The following ITGBL1 variants were observed in gnomAD, a reference collection of about 807,000 sequenced individuals.
ITGBL1 encodes integrin beta-like protein 1.
In ITGBL1, 51 loss-of-function variants were observed where a neutral mutation model predicts 68.5. The ratio of observed to expected loss-of-function variants is 0.74; its 90% confidence interval spans 0.59 to 0.94. ITGBL1 has a LOEUF of 0.94. Ranked by LOEUF, ITGBL1 falls within the 40% of genes least tolerant of loss-of-function variation. The probability of loss-of-function intolerance (pLI) is 0.00; values close to 1 mark genes in which losing one functional copy is unlikely to be tolerated. For missense variants in ITGBL1, 649 were observed against 647.4 expected, an observed-to-expected ratio of 1.00 and a Z score of -0.03; for synonymous variants, 209 against 227.3, an observed-to-expected ratio of 0.92 and a Z score of 0.72.
chr13:101,611,004 G>C (rs1313399431), intron 7 of ITGBL1, among the ~76,000 whole-genome samples: 1 of 152,124 alleles, frequency 6.6e-6, no homozygotes, highest in Non-Finnish European at 1.5e-5. Context: ...TCTGAGTTAT[G>C]ATGGGAATAA....
At chr13:101,510,577 G>A (rs540666072) in intron 2 of ITGBL1, among the ~76,000 whole-genome samples, 189 of 152,120 alleles carry the variant, frequency 1.2e-3, no homozygotes, top group Non-Finnish European at 2.0e-3. Flanking sequence ...TCTCCAAACT[G>A]ATTTCTAAAG....
intron 6 of ITGBL1, among the ~76,000 whole-genome samples, chr13:101,591,465 T>C (rs778141101): frequency 1.3e-5 from 2 of 152,240 alleles, no homozygotes; most frequent in Non-Finnish European, 2.9e-5. Flanking sequence ...CTGAATTGAA[T>C]TGAATTTGGG....
chr13:101,652,651 C>G (rs1318465775), intron 7 of ITGBL1, among the ~76,000 whole-genome samples: 1 of 152,170 alleles, frequency 6.6e-6, no homozygotes, highest in Admixed American at 6.5e-5. Context: ...TACTCCCTTA[C>G]AAGAGCTTTG....
At chr13:101,571,772 C>G (rs1258963707) in intron 3 of ITGBL1, among the ~76,000 whole-genome samples, 3 of 152,112 alleles carry the variant, frequency 2.0e-5, no homozygotes, top group Non-Finnish European at 4.4e-5. Flanking sequence ...TTCTTTTGCA[C>G]TCTGCTTTTA....
At chr13:101,502,728 T>C (rs986647073) in intron 2 of ITGBL1, among the ~76,000 whole-genome samples, 3 of 152,150 alleles carry the variant, frequency 2.0e-5, no homozygotes, top group African/African-American at 7.2e-5. Flanking sequence ...CTACAATGAT[T>C]ATACATTATC....
intron 8 of ITGBL1, among the ~76,000 whole-genome samples, chr13:101,705,275 T>G (rs1194357790): frequency 7.4e-6 from 1 of 134,628 alleles, no homozygotes; most frequent in Non-Finnish European, 1.5e-5. Flanking sequence ...AAAATCTCTC[T>G]TATTTAATTT....
At chr13:101,586,166 C>G (rs1244567296) in intron 6 of ITGBL1, among the ~76,000 whole-genome samples, 1 of 152,180 alleles carries the variant, frequency 6.6e-6, no homozygotes, top group African/African-American at 2.4e-5. Context: ...ATCTAATTTT[C>G]CACCTCACCT....
chr13:101,716,579 TTTTTA>T (rs2034731173), downstream of ITGBL1: 1 of 152,132 alleles, frequency 6.6e-6, no homozygotes, highest in Non-Finnish European at 1.5e-5. Context: ...GAAATCTGAT[TTTTTA>T]TTTTAATTTA....
At chr13:101,581,650 T>C (rs2050459682) in intron 5 of ITGBL1, among the ~76,000 whole-genome samples, 1 of 152,242 alleles carries the variant, frequency 6.6e-6, no homozygotes, top group Non-Finnish European at 1.5e-5. Context: ...GTAGTCCATA[T>C]GTGTGTACCA....
chr13:101,596,594 G>A (rs1167559529), intron 6 of ITGBL1, among the ~76,000 whole-genome samples: 3 of 152,078 alleles, frequency 2.0e-5, no homozygotes, highest in African/African-American at 4.8e-5. Flanking sequence ...AAATCTTGGG[G>A]AAGAAAAGAG....
In ITGBL1 at chr13:101,453,975, A is replaced by G. The variant is rs759374278; in HGVS notation, c.191A>G (p.His64Arg). ...PGQPPGAALC[H>R]GRGRCDCGVC... ...CAGCCCCCGGGGGCCGCGCTGTGCC[A>G]CGGCCGGGGCCGCTGCGACTGCGGC... Residue 64 changes from histidine to arginine, a missense_variant, in exon 2 of 11, where the codon CAC (histidine) becomes CGC (arginine). Transcript: ENST00000376180. 22 of 1,530,286 alleles carry G rather than the reference A, an allele frequency of 1.4e-5. No homozygotes were observed. The East Asian group carries it at 4.3e-4, about 30-fold the overall frequency. The allele number at this position is 1,530,286 out of a possible 1,614,324, so 94.8% of individuals were successfully genotyped here. A position where few individuals can be genotyped will look rare whatever the true frequency, so the allele number is the denominator to read the frequency against.
intron 5 of ITGBL1, among the ~76,000 whole-genome samples, chr13:101,580,741 T>C (rs1454142984): frequency 6.6e-6 from 1 of 152,168 alleles, no homozygotes; most frequent in Non-Finnish European, 1.5e-5. Context: ...AATGACTATT[T>C]GGCTGTCAAA....
At chr13:101,496,311 G>C (rs1314390457) in intron 2 of ITGBL1, among the ~76,000 whole-genome samples, 1 of 152,182 alleles carries the variant, frequency 6.6e-6, no homozygotes, top group Non-Finnish European at 1.5e-5. Flanking sequence ...TTCTCTGCCA[G>C]AGCACAGATC....
chr13:101,490,103 G>A (rs957110917), intron 2 of ITGBL1: 35 of 748,286 alleles, frequency 4.7e-5, no homozygotes, highest in Non-Finnish European at 6.6e-5. Context: ...CAGTGTGATG[G>A]TATTTGGAGG....
intron 7 of ITGBL1, among the ~76,000 whole-genome samples, chr13:101,618,562 T>C (rs1049100935): frequency 6.6e-6 from 1 of 152,168 alleles, no homozygotes; most frequent in African/African-American, 2.4e-5. Flanking sequence ...GGGGTACAGA[T>C]GACCTTTGGG....
intron 2 of ITGBL1, among the ~76,000 whole-genome samples, chr13:101,530,748 A>G (rs1187991390): frequency 6.6e-6 from 1 of 152,214 alleles, no homozygotes; most frequent in Admixed American, 6.5e-5. Context: ...CTTCAATTTT[A>G]TCTAATCTAA....
At chr13:101,477,862 G>T (rs1400080311) in intron 2 of ITGBL1, among the ~76,000 whole-genome samples, 1 of 151,906 alleles carries the variant, frequency 6.6e-6, no homozygotes, top group East Asian at 1.9e-4. Flanking sequence ...TCCTGGCCTA[G>T]TAAAGCCCAG....
chr13:101,495,564 A>G (rs1158044030), intron 2 of ITGBL1, among the ~76,000 whole-genome samples: 1 of 151,502 alleles, frequency 6.6e-6, no homozygotes, highest in Non-Finnish European at 1.5e-5. Flanking sequence ...TTGTGTAGGA[A>G]TCTTCTGGGT....
At chr13:101,517,075 C>T (rs970056437) in intron 2 of ITGBL1, among the ~76,000 whole-genome samples, 1 of 152,156 alleles carries the variant, frequency 6.6e-6, no homozygotes, top group African/African-American at 2.4e-5. Flanking sequence ...TGGCTTTTCT[C>T]TTCACTGATT....
Sources: allele counts gnomAD v4.1 joint callset (sites outside exome capture counted in the v4.1 genomes callset), GRCh38; gene constraint gnomAD v4.1.1; transcripts MANE v1.5; gene names NCBI Gene and HGNC (gene_info 2026-07-23, HGNC 2026-07-21).